Variants in TNR observed in about 807,000 individuals in gnomAD.
TNR encodes tenascin R, also known as tenascin-R.
Under a neutral mutation model 150.4 loss-of-function variants are expected in TNR, and 45 were observed. That is an observed-to-expected ratio of 0.30 (90% CI 0.24 to 0.38). TNR has a LOEUF of 0.38. TNR is among the 10% of genes least tolerant of loss of function. TNR has a pLI of 1.00. For missense variants in TNR, 1,544 were observed against 1,759.1 expected (o/e 0.88, Z 2.19); for synonymous variants, 687 against 678.4 (o/e 1.01, Z -0.20).
intron 2 of TNR, among the ~76,000 whole-genome samples, chr1:175,427,995 G>A (rs753228429): frequency 7.3e-5 from 11 of 151,498 alleles, no homozygotes; most frequent in Non-Finnish European, 1.2e-4. Context: ...AATGGGTTTC[G>A]GATTGGTGTC....
chr1:175,647,057 G>T (rs1407685811), intron 1 of TNR, among the ~76,000 whole-genome samples: 1 of 152,360 alleles, frequency 6.6e-6, no homozygotes, highest in South Asian at 2.1e-4. Flanking sequence ...GGACAGAGGA[G>T]TTCGGAGAGC....
chr1:175,626,059 G>A (rs1371713695), intron 1 of TNR, among the ~76,000 whole-genome samples: 2 of 152,136 alleles, frequency 1.3e-5, no homozygotes, highest in African/African-American at 4.8e-5. Context: ...GGGCTTATCA[G>A]GGGTTTCCAC....
At chr1:175,580,901 A>T (rs1434167166) in intron 1 of TNR, among the ~76,000 whole-genome samples, 1 of 152,140 alleles carries the variant, frequency 6.6e-6, no homozygotes, top group Non-Finnish European at 1.5e-5. Context: ...ATATTCTTCT[A>T]GAAAGAACAG....
intron 1 of TNR, among the ~76,000 whole-genome samples, chr1:175,564,394 G>C (rs1047548851): frequency 6.6e-6 from 1 of 152,180 alleles, no homozygotes; most frequent in Non-Finnish European, 1.5e-5. Flanking sequence ...TTACAGGATG[G>C]GAAAGAAATC....
chr1:175,330,703 G>A (rs7553041), intron 20 of TNR: 31,490 of 152,436 alleles, frequency 0.21, 4,135 homozygotes, highest in African/African-American at 0.37. Context: ...CATGTAGGAA[G>A]GGCTCTGTCG....
At chr1:175,650,400 AC>A (rs1039114441) in intron 1 of TNR, among the ~76,000 whole-genome samples, 2 of 152,000 alleles carry the variant, frequency 1.3e-5, no homozygotes, top group African/African-American at 4.8e-5. Context: ...AAAAAAACAA[AC>A]AAAGAAAAAC....
intron 1 of TNR, among the ~76,000 whole-genome samples, chr1:175,678,729 C>G (rs937928251): frequency 2.0e-4 from 31 of 152,286 alleles, no homozygotes; most frequent in African/African-American, 7.0e-4. Context: ...AAACAAAGAG[C>G]CTAAAACCAA....
At chr1:175,464,211 A>G (rs1656934545) in intron 2 of TNR, among the ~76,000 whole-genome samples, 1 of 152,256 alleles carries the variant, frequency 6.6e-6, no homozygotes, top group South Asian at 2.1e-4. Context: ...GCCCAATTGC[A>G]TTAAACTCAG....
intron 1 of TNR, among the ~76,000 whole-genome samples, chr1:175,692,196 C>T (rs1163727313): frequency 6.6e-6 from 1 of 152,162 alleles, no homozygotes; most frequent in Non-Finnish European, 1.5e-5. Flanking sequence ...GGGGCAGACA[C>T]ATGCAAGAAG....
chr1:175,521,498 A>G (rs1377009311), intron 2 of TNR, among the ~76,000 whole-genome samples: 3 of 152,222 alleles, frequency 2.0e-5, no homozygotes, highest in Non-Finnish European at 4.4e-5. Flanking sequence ...GACCGCAGAA[A>G]TATTTTCGGC....
intron 1 of TNR, among the ~76,000 whole-genome samples, chr1:175,672,167 T>A (rs1665722327): frequency 6.6e-6 from 1 of 152,220 alleles, no homozygotes; most frequent in Non-Finnish European, 1.5e-5. Context: ...TAAAACCTTC[T>A]TGCAGAAGTA....
At chr1:175,364,103 CT>C (rs963724120) in intron 12 of TNR, among the ~76,000 whole-genome samples, 7 of 151,506 alleles carry the variant, frequency 4.6e-5, no homozygotes, top group South Asian at 2.1e-4. Flanking sequence ...CAACTAGGAA[CT>C]TTTTTTTTAA....
At chr1:175,636,771 C>T (rs987971250) in intron 1 of TNR, among the ~76,000 whole-genome samples, 1 of 152,194 alleles carries the variant, frequency 6.6e-6, no homozygotes, top group Non-Finnish European at 1.5e-5. Context: ...ACTCACAAAC[C>T]TCAACAAACT....
At chr1:175,431,936 C>CTCTCTCCTTCTCT (rs367657172) in intron 2 of TNR, among the ~76,000 whole-genome samples, 1 of 52,358 alleles carries the variant, frequency 1.9e-5, no homozygotes, top group Non-Finnish European at 3.5e-5. Context: ...TCTCTCTCTC[C>CTCTCTCCTTCTCT]CTCTGTCTCT....
chr1:175,555,970 C>T (rs754926320), intron 1 of TNR, among the ~76,000 whole-genome samples: 9 of 152,178 alleles, frequency 5.9e-5, no homozygotes, highest in Non-Finnish European at 8.8e-5. Context: ...CAAAGCAAGG[C>T]GTATAGGCTC....
chr1:175,734,126 T>C (rs115897088), intron 1 of TNR, among the ~76,000 whole-genome samples: 1,549 of 152,132 alleles, frequency 0.01, 38 homozygotes, highest in African/African-American at 0.036. Context: ...TCAGGCCAAA[T>C]AGGGCCTCCC....
intron 2 of TNR, among the ~76,000 whole-genome samples, chr1:175,417,076 A>AAAGAAAGAAAGAAAGAAAGAAATC (rs1491457290): frequency 3.7e-4 from 42 of 113,748 alleles, no homozygotes; most frequent in African/African-American, 1.1e-3. Flanking sequence ...AGAAAGAAAG[A>AAAGAAAGAAAGAAAGAAAGAAATC]AATCTAAGAA....
intron 19 of TNR, 136 bp from the exon 20 acceptor site, chr1:175,335,943 A>T (rs1650226266): frequency 1.3e-6 from 1 of 744,888 alleles, no homozygotes; most frequent in Admixed American, 2.7e-5. Context: ...ATGTCCAAAG[A>T]AGGAACATTT....
chr1:175,682,252 A>C (rs548189864), intron 1 of TNR, among the ~76,000 whole-genome samples: 1 of 151,824 alleles, frequency 6.6e-6, no homozygotes, highest in South Asian at 2.1e-4. Context: ...CATGGATATT[A>C]TAATCATAGC....
Sources: allele counts gnomAD v4.1 joint callset (sites outside exome capture counted in the v4.1 genomes callset), GRCh38; gene constraint gnomAD v4.1.1; transcripts MANE v1.5; gene names NCBI Gene and HGNC (gene_info 2026-07-23, HGNC 2026-07-21).